ZNF644: variants seen among roughly 807,000 people sequenced by gnomAD.
The protein encoded by ZNF644 is zinc finger protein 644.
A neutral mutation model predicts 108.0 loss-of-function variants in ZNF644; 20 were observed. The ratio of observed to expected loss-of-function variants is 0.19; its 90% confidence interval spans 0.13 to 0.27. The LOEUF (loss-of-function observed/expected upper bound fraction) is 0.27. Among genes scored for constraint, ZNF644 ranks in the 10% least tolerant of loss-of-function variants. The pLI is 1.00. For synonymous variants in ZNF644, 542 were observed against 539.1 expected (o/e 1.01, Z -0.08); for missense variants, 1,338 against 1,548.9 (o/e 0.86, Z 2.29).
At position 90,940,628 on chromosome 1, in the gene ZNF644, C is replaced by T. The variant is rs148356542; in HGVS notation, c.726G>A (p.Thr242=). The T allele has an allele frequency of 1.7e-5, 27 of 1,613,956 alleles. No homozygotes were observed. Among genetic ancestry groups the T allele is most frequent in the Middle Eastern group, 3.3e-4 (2 of 6,062 alleles). ...LVKDDCVNTV[T]GISSGTDGFR... is the part of the protein sequence containing the mutation. ...ATCCATCTGTACCTGAGGAAATTCCCGTTACTGTATTGACACAATCATCTT... is the reference window on the plus strand; with the variant it reads ...ATCCATCTGTACCTGAGGAAATTCCTGTTACTGTATTGACACAATCATCTT... Residue 242 remains threonine, a synonymous_variant, in exon 3 of 6, where the codon ACG becomes ACA. Coordinates refer to ENST00000337393, the MANE Select transcript of ZNF644 (RefSeq NM_201269.3).
intron 2 of ZNF644, among the ~76,000 whole-genome samples, chr1:90,944,254 A>G (rs1356025260): frequency 6.6e-6 from 1 of 152,220 alleles, no homozygotes; most frequent in Non-Finnish European, 1.5e-5. Context: ...CTATGAGAAC[A>G]TCATGTCAGC....
intron 1 of ZNF644, among the ~76,000 whole-genome samples, chr1:90,995,249 T>TA (rs1425372164): frequency 1.3e-5 from 2 of 151,474 alleles, no homozygotes; most frequent in African/African-American, 4.9e-5. Flanking sequence ...ATAACTACAA[T>TA]AAAAAATTCC....
chr1:90,917,990 G>A, intron 5 of ZNF644, 62 bp downstream of exon 5: 5 of 1,337,744 alleles, frequency 3.7e-6, no homozygotes, highest in Non-Finnish European at 4.3e-6. Context: ...AAATGAAATA[G>A]CTAATATGTT....
rs531810626 is a variant in ZNF644, at chr1:90,918,267, G to T, written c.3689-113C>A. On this transcript the variant is annotated intron_variant, in intron 4 of 5. Transcript: ENST00000337393. ...CATCTAAATCAGTTAGAAAAAGTCC[G>T]CATTCATTTCCCTATTCCCTGAAGC... The T allele has an allele frequency of 2.0e-5, 17 of 849,578 alleles. No individual in the cohort carries two copies. The East Asian group carries it at 4.3e-4, about 21-fold the overall frequency. 52.6% of individuals were successfully genotyped at this position (849,578 alleles called of 1,614,324 possible). A position where few individuals can be genotyped will look rare whatever the true frequency, so the allele number is the denominator to read the frequency against.
At position 90,941,248 on chromosome 1, in the gene ZNF644, T is replaced by C; in HGVS notation, c.106A>G (p.Thr36Ala). The change falls in exon 3 of 6, where the codon ACT becomes GCT. Residue 36 changes from threonine to alanine, a missense_variant. Around this residue, in one of 6 missense-constraint regions of ZNF644, gnomAD observed 464 missense variants for 457.9 expected, o/e 1.01. Transcript: ENST00000337393. ...TCTAGGAGTTCTTCTTTAGCACCAG[T>C]AATATCGGTGTTTATCTTCAAATCA... ...MDDLKINTDI[T>A]GAKEELLDDN... The C allele has an allele frequency of 6.2e-7, 1 of 1,603,156 alleles. No individual in the cohort carries two copies. Among genetic ancestry groups the C allele is most frequent in the African/African-American group, 1.3e-5 (1 of 74,100 alleles).
In ZNF644 at chr1:90,939,231, T is replaced by C; in HGVS notation, c.2123A>G (p.Asn708Ser). Residue 708 changes from asparagine (N) to serine (S), a missense_variant, in exon 3 of 6, where the codon AAT (asparagine) becomes AGT (serine). Around this residue, in one of 6 missense-constraint regions of ZNF644, gnomAD observed 462 missense variants for 472.6 expected, o/e 0.98. Transcript: ENST00000337393. The stretch of plus-strand genomic sequence containing the variant: ...GTCAACGCTGCTTTTAATTGTAACA[T>C]TCTTATGAGGAGAGCTGTTTTGATT... ...MCNQNSSPHKNVTIKSSVDQK... is the reference protein window; with the variant it reads ...MCNQNSSPHKSVTIKSSVDQK... 2 of 1,614,068 alleles carry C rather than the reference T, an allele frequency of 1.2e-6. No homozygotes were observed. Among genetic ancestry groups the C allele is most frequent in the African/African-American group, 2.7e-5 (2 of 75,054 alleles).
chr1:91,009,269 T>C (rs1414991331), intron 1 of ZNF644, among the ~76,000 whole-genome samples: 2 of 152,184 alleles, frequency 1.3e-5, no homozygotes, highest in Admixed American at 6.5e-5. Flanking sequence ...AAACGTGGTA[T>C]CTTAAAACTC....
At chr1:90,997,467 C>G (rs1379838994) in intron 1 of ZNF644, among the ~76,000 whole-genome samples, 2 of 151,610 alleles carry the variant, frequency 1.3e-5, no homozygotes, top group Non-Finnish European at 2.9e-5. Context: ...AAATAACAAA[C>G]AACGCTGGGG....
rs753278051 is a variant in ZNF644 at position 90,938,615 on chromosome 1, G to A, written c.2739C>T (p.Asn913=). Residue 913 remains asparagine, a synonymous_variant, in exon 3 of 6, where the codon AAC becomes AAT. Coordinates refer to ENST00000337393, the MANE Select transcript of ZNF644 (RefSeq NM_201269.3). The surrounding 1 kb of genome is among the most constrained non-coding windows in gnomAD (Gnocchi z 4.2). The part of the protein sequence containing the change: ...GENATLSYDQ[N]DGFYFEYYED... Reference sequence around the variant, plus strand: ...CATAGTATTCAAAATAAAAGCCATCGTTTTGGTCATAACTAAGAGTAGCAT... The same window carrying A: ...CATAGTATTCAAAATAAAAGCCATCATTTTGGTCATAACTAAGAGTAGCAT... 26 of 1,611,560 alleles carry A rather than the reference G, an allele frequency of 1.6e-5. No individual in the cohort carries two copies. In the Middle Eastern group the frequency reaches 8.2e-4, roughly 51 times the overall value.
chr1:90,918,407 T>A (rs1386403577), intron 4 of ZNF644: 12 of 434,924 alleles, frequency 2.8e-5, no homozygotes, highest in Non-Finnish European at 4.2e-6. Flanking sequence ...TTTCAAATAA[T>A]GCTTTACCAC....
At chr1:90,962,587 A>G (rs1302914822) in intron 2 of ZNF644, among the ~76,000 whole-genome samples, 3 of 152,092 alleles carry the variant, frequency 2.0e-5, no homozygotes, top group Non-Finnish European at 2.9e-5. Context: ...GCAAAATAAT[A>G]AAGATCCTAG....
intron 2 of ZNF644, among the ~76,000 whole-genome samples, chr1:90,980,912 A>T (rs1656483494): frequency 6.6e-6 from 1 of 152,136 alleles, no homozygotes; most frequent in Admixed American, 6.5e-5. Flanking sequence ...GTATGTGAAA[A>T]GTCATTCAGC....
At chr1:90,973,980 T>C (rs1283342996) in intron 2 of ZNF644, among the ~76,000 whole-genome samples, 1 of 152,118 alleles carries the variant, frequency 6.6e-6, no homozygotes, top group African/African-American at 2.4e-5. Context: ...CCATAAAATC[T>C]AGGAAAGTCA....
intron 1 of ZNF644, among the ~76,000 whole-genome samples, chr1:90,989,569 A>C (rs1657438985): frequency 6.6e-6 from 1 of 152,100 alleles, no homozygotes; most frequent in Admixed American, 6.6e-5. Context: ...GAAAGAAAAG[A>C]TACTCAACAT....
intron 4 of ZNF644, among the ~76,000 whole-genome samples, chr1:90,926,356 C>T (rs1650034809): frequency 6.6e-6 from 1 of 152,132 alleles, no homozygotes; most frequent in Non-Finnish European, 1.5e-5. Flanking sequence ...TTCATAGCTC[C>T]TCCTATAATC....
chr1:90,985,741 T>G (rs547046920), intron 1 of ZNF644, among the ~76,000 whole-genome samples: 13 of 152,328 alleles, frequency 8.5e-5, no homozygotes, highest in African/African-American at 3.1e-4. Flanking sequence ...TTAGCTATTG[T>G]GAATAATGCT....
intron 2 of ZNF644, among the ~76,000 whole-genome samples, chr1:90,969,849 G>C (rs1184988304): frequency 6.6e-6 from 1 of 152,116 alleles, no homozygotes; most frequent in Non-Finnish European, 1.5e-5. Flanking sequence ...TGGAGGTACT[G>C]GAATGTATCC....
At chr1:90,929,837 A>G (rs358695) in intron 4 of ZNF644, among the ~76,000 whole-genome samples, 120,424 of 152,184 alleles carry the variant, frequency 0.79, 47,827 homozygotes, top group Middle Eastern at 0.84. Flanking sequence ...CTTAAAAGTA[A>G]ATGGTATGAA....
intron 4 of ZNF644, among the ~76,000 whole-genome samples, chr1:90,922,200 A>G (rs1649526250): frequency 6.6e-6 from 1 of 152,168 alleles, no homozygotes; most frequent in African/African-American, 2.4e-5. Flanking sequence ...TTCGCCACCG[A>G]AGTATTTTTA....
Sources: allele counts gnomAD v4.1 joint callset (sites outside exome capture counted in the v4.1 genomes callset), GRCh38; gene constraint gnomAD v4.1.1; regional missense constraint gnomAD v4.1.1; non-coding constraint Gnocchi (gnomAD v3.1); transcripts MANE v1.5; gene names NCBI Gene and HGNC (gene_info 2026-07-23, HGNC 2026-07-21).